The following TNIK variants were observed in gnomAD, a reference collection of about 807,000 sequenced individuals.
TNIK encodes the protein TRAF2 and NCK-interacting protein kinase.
A neutral mutation model predicts 191.3 loss-of-function variants in TNIK; 49 were observed. The observed-to-expected ratio is 0.26, with a 90% confidence interval of 0.20 to 0.32. TNIK has a LOEUF of 0.32. TNIK is among the 10% of genes least tolerant of loss of function. TNIK has a pLI of 1.00. For synonymous variants in TNIK, 594 were observed against 600.9 expected (o/e 0.99, Z 0.17); for missense variants, 1,155 against 1,702.3 (o/e 0.68, Z 5.66).
intron 2 of TNIK, among the ~76,000 whole-genome samples, chr3:171,322,721 T>G (rs1477343253): frequency 6.6e-6 from 1 of 152,094 alleles, no homozygotes; most frequent in African/African-American, 2.4e-5. Flanking sequence ...ATGTCCCTCA[T>G]TTCAGTGCTC....
At chr3:171,444,791 G>A (rs761019372) in intron 1 of TNIK, among the ~76,000 whole-genome samples, 1 of 152,042 alleles carries the variant, frequency 6.6e-6, no homozygotes, top group African/African-American at 2.4e-5. Flanking sequence ...TGAAAAAGTT[G>A]CACTTACCAT....
Position 171,398,931 on chromosome 3 carries a change from C to G in TNIK, c.58-29246G>C, listed in dbSNP as rs138714194. Among the ~76,000 whole-genome samples, 486 of 152,316 alleles carry G rather than the reference C, an allele frequency of 3.2e-3. 2 individuals carry two copies. Among genetic ancestry groups the G allele is most frequent in the South Asian group, 0.013 (65 of 4,828 alleles). ...CAGGTGTTCTTGCCCTCTGCTGCCT[C>G]CTTAGCCCCAAGAATCAGAGGCTCT... On this transcript the variant is annotated intron_variant, in intron 1 of 32. Transcript: ENST00000436636.
intron 21 of TNIK, among the ~76,000 whole-genome samples, chr3:171,103,276 GAAGGCCAACTCTGTTT>G (rs1723914490): frequency 1.3e-5 from 2 of 152,040 alleles, no homozygotes; most frequent in African/African-American, 4.8e-5. Flanking sequence ...ATTGTATTTA[GAAGGCCAACTCTGTTT>G]AAATGTAATG....
chr3:171,185,679 T>G (rs888042717), intron 7 of TNIK, among the ~76,000 whole-genome samples: 40 of 152,316 alleles, frequency 2.6e-4, no homozygotes, highest in African/African-American at 7.5e-4. Context: ...AACCAGACTC[T>G]GCAATAAAAA....
rs954702983 is a variant in TNIK at position 171,284,878 on chromosome 3, G to C, written c.124-56657C>G. ...GATTACTAAAGCAGGGAAGGAGTAA[G>C]GGGGAGAACTCAGAGAAAGCGTGCG... On this transcript the variant is annotated intron_variant, in intron 2 of 32. Coordinates refer to ENST00000436636, the MANE Select transcript of TNIK (RefSeq NM_015028.4). Among the ~76,000 whole-genome samples the C allele has an allele frequency of 3.9e-5, 6 of 152,180 alleles. No individual in the cohort carries two copies. In the South Asian group the frequency reaches 6.2e-4, roughly 16 times the overall value.
At chr3:171,072,119 A>G (rs1384891392) in intron 28 of TNIK, among the ~76,000 whole-genome samples, 1 of 152,168 alleles carries the variant, frequency 6.6e-6, no homozygotes, top group African/African-American at 2.4e-5. Flanking sequence ...TGACCTTGAG[A>G]AATTGAACAA....
intron 2 of TNIK, among the ~76,000 whole-genome samples, chr3:171,302,337 G>C (rs1394630394): frequency 8.1e-6 from 1 of 123,094 alleles, no homozygotes; most frequent in Non-Finnish European, 1.9e-5. Context: ...AAAGAGATTT[G>C]TCTGTTTAGT....
At chr3:171,139,735 A>G (rs1222679955) in intron 13 of TNIK, among the ~76,000 whole-genome samples, 179 bp from the exon 14 acceptor site, 2 of 152,226 alleles carry the variant, frequency 1.3e-5, no homozygotes, top group African/African-American at 4.8e-5. Context: ...GCATTTCAAC[A>G]TAATGAAAAG....
At chr3:171,401,691 G>A (rs1263295797) in intron 1 of TNIK, among the ~76,000 whole-genome samples, 1 of 152,148 alleles carries the variant, frequency 6.6e-6, no homozygotes, top group Admixed American at 6.5e-5. Context: ...TCCCAGGAGG[G>A]TTCAGAAATG....
intron 2 of TNIK, among the ~76,000 whole-genome samples, chr3:171,359,247 C>A (rs7620362): frequency 0.042 from 6,413 of 152,226 alleles, 459 homozygotes; most frequent in African/African-American, 0.15. Flanking sequence ...TTTCTCAAGC[C>A]ATACTCGAAG....
At chr3:171,122,917 T>C (rs1162052190) in intron 18 of TNIK, among the ~76,000 whole-genome samples, 1 of 152,196 alleles carries the variant, frequency 6.6e-6, no homozygotes, top group Non-Finnish European at 1.5e-5. Flanking sequence ...TACTGTTTAC[T>C]TTCCAGCTTC....
chr3:171,419,613 G>T (rs1391833416), intron 1 of TNIK, among the ~76,000 whole-genome samples: 1 of 152,210 alleles, frequency 6.6e-6, no homozygotes, highest in Non-Finnish European at 1.5e-5. Context: ...AGATCCCAGT[G>T]CTCCCACTCA....
chr3:171,300,861 C>T (rs139314880), intron 2 of TNIK, among the ~76,000 whole-genome samples: 105 of 152,132 alleles, frequency 6.9e-4, no homozygotes, highest in African/African-American at 2.5e-3. Context: ...CTTGAAGCTC[C>T]GTTTCCACTC....
At chr3:171,146,752 T>C (rs1731648822) in intron 12 of TNIK, among the ~76,000 whole-genome samples, 1 of 151,942 alleles carries the variant, frequency 6.6e-6, no homozygotes, top group South Asian at 2.1e-4. Flanking sequence ...TAGCTGGGTG[T>C]GATGGTGCGT....
At position 171,108,072 on chromosome 3, in the gene TNIK, C is replaced by T. The variant is rs1381127679; in HGVS notation, c.2375G>A (p.Arg792Gln). ...GGAGAGAAAAGCACTCACAGCTGGT[C>T]GACTGGGCCGGGTAATGTCCCTGGA... ...EESRDITRPS[R>Q]PASYKKAIDE... is the part of the protein sequence containing the mutation. The change falls in exon 20 of 33, where the codon CGA (arginine) becomes CAA (glutamine). Residue 792 changes from arginine to glutamine, a missense_variant. Coordinates refer to ENST00000436636, the MANE Select transcript of TNIK (RefSeq NM_015028.4). 6.4e-7 allele frequency: 1 copy of T among 1,563,446 alleles called. No homozygotes were observed. The highest frequency in any genetic ancestry group is 8.7e-7 in the Non-Finnish European group (1 of 1,152,938).
intron 2 of TNIK, among the ~76,000 whole-genome samples, chr3:171,298,944 AC>A (rs771635764): frequency 2.0e-5 from 3 of 152,162 alleles, no homozygotes; most frequent in Non-Finnish European, 4.4e-5. Flanking sequence ...CCATCATGGC[AC>A]CATGGTGACC....
intron 2 of TNIK, among the ~76,000 whole-genome samples, chr3:171,259,311 A>G (rs1273497430): frequency 1.3e-5 from 2 of 152,216 alleles, no homozygotes; most frequent in African/African-American, 4.8e-5. Flanking sequence ...AAGAGTCGCC[A>G]TTAGGAACGC....
chr3:171,204,003 G>A (rs544906531), intron 4 of TNIK, among the ~76,000 whole-genome samples: 1 of 152,272 alleles, frequency 6.6e-6, no homozygotes, highest in South Asian at 2.1e-4. Flanking sequence ...AAAAAAGACA[G>A]CAAAATATGT....
intron 2 of TNIK, among the ~76,000 whole-genome samples, chr3:171,288,367 A>G (rs1039363628): frequency 6.6e-6 from 1 of 152,142 alleles, no homozygotes; most frequent in Admixed American, 6.5e-5. Flanking sequence ...TCAGTTGAAC[A>G]ATCAATTAAA....
Sources: allele counts gnomAD v4.1 joint callset (sites outside exome capture counted in the v4.1 genomes callset), GRCh38; gene constraint gnomAD v4.1.1; transcripts MANE v1.5; gene names NCBI Gene and HGNC (gene_info 2026-07-23, HGNC 2026-07-21).